The following ZNF804B variants were observed in gnomAD, a reference collection of about 807,000 sequenced individuals.
The protein encoded by ZNF804B is zinc finger protein 804B.
ZNF804B carries 80 observed loss-of-function variants against 101.4 expected under a neutral mutation model. The observed-to-expected ratio is 0.79, with a 90% CI of 0.66 to 0.95. The LOEUF (loss-of-function observed/expected upper bound fraction) is 0.95, where lower values mean the gene tolerates loss of function less well. Ranked by LOEUF, ZNF804B falls within the 40% of genes least tolerant of loss-of-function variation. The pLI, the probability that ZNF804B is intolerant of heterozygous loss-of-function variation, is 0.00. For synonymous variants in ZNF804B, 622 were observed against 558.8 expected (o/e 1.11, Z -1.59); for missense variants, 1,673 against 1,561.9 (o/e 1.07, Z -1.20).
intron 1 of ZNF804B, among the ~76,000 whole-genome samples, chr7:89,201,515 T>C (rs1288155533): frequency 6.6e-6 from 1 of 151,932 alleles, no homozygotes; most frequent in Non-Finnish European, 1.5e-5. Context: ...AAGCCGAGAC[T>C]TCCAAGAAGC....
rs1789859062 is a variant in ZNF804B at position 89,089,999 on chromosome 7, A to T, written c.109-128156A>T. On this transcript the variant is annotated intron_variant, in intron 1 of 3. Coordinates refer to ENST00000333190, the MANE Select transcript of ZNF804B (RefSeq NM_181646.5). Reference sequence around the variant, plus strand: ...TTCTCAAATTTTAAAAGTAGTTGTTACATTTACGGACAGTAAAATAAATAG... The same window carrying T: ...TTCTCAAATTTTAAAAGTAGTTGTTTCATTTACGGACAGTAAAATAAATAG... 2.0e-5 allele frequency among the ~76,000 whole-genome samples: 3 copies of T among 152,134 alleles called. No homozygotes were observed. The South Asian group carries it at 6.2e-4, about 31-fold the overall frequency.
intron 1 of ZNF804B, among the ~76,000 whole-genome samples, chr7:88,943,342 A>C (rs953520504): frequency 6.6e-6 from 1 of 151,918 alleles, no homozygotes; most frequent in African/African-American, 2.4e-5. Flanking sequence ...GATTACCAGC[A>C]TAGGTATTGG....
chr7:88,838,852 A>T (rs1158616670), intron 1 of ZNF804B, among the ~76,000 whole-genome samples: 2 of 152,032 alleles, frequency 1.3e-5, no homozygotes, highest in African/African-American at 4.8e-5. Context: ...GGCTTCCAAT[A>T]AATACTAACT....
At chr7:89,041,044 G>A (rs1789009082) in intron 1 of ZNF804B, among the ~76,000 whole-genome samples, 1 of 151,062 alleles carries the variant, frequency 6.6e-6, no homozygotes, top group South Asian at 2.1e-4. Flanking sequence ...ATCTCCTGGG[G>A]TAGGCCTGAA....
At chr7:89,121,557 C>T (rs1295747879) in intron 1 of ZNF804B, among the ~76,000 whole-genome samples, 1 of 151,948 alleles carries the variant, frequency 6.6e-6, no homozygotes. Context: ...AAGAAAGTAA[C>T]ATGTTAATAC....
intron 1 of ZNF804B, among the ~76,000 whole-genome samples, chr7:88,899,182 A>C (rs1375508760): frequency 2.6e-5 from 4 of 152,188 alleles, no homozygotes. Context: ...ATTCAGAGAA[A>C]TTCCGCATTC....
intron 2 of ZNF804B, among the ~76,000 whole-genome samples, chr7:89,269,813 G>A (rs763773432): frequency 3.9e-5 from 6 of 152,172 alleles, no homozygotes; most frequent in East Asian, 1.9e-4. Context: ...TCTGATGGCC[G>A]GTGATGATGA....
chr7:89,137,027 A>T (rs1028509895), intron 1 of ZNF804B, among the ~76,000 whole-genome samples: 8 of 151,918 alleles, frequency 5.3e-5, no homozygotes, highest in African/African-American at 1.5e-4. Context: ...CATGATTGTG[A>T]GGCTTTCCCA....
At chr7:89,008,012 A>C (rs1259279279) in intron 1 of ZNF804B, among the ~76,000 whole-genome samples, 1 of 152,158 alleles carries the variant, frequency 6.6e-6, no homozygotes, top group Non-Finnish European at 1.5e-5. Flanking sequence ...TCTCATGACA[A>C]TCAGTCTTGT....
intron 1 of ZNF804B, among the ~76,000 whole-genome samples, chr7:89,138,205 G>A (rs188389291): frequency 2.3e-3 from 354 of 152,180 alleles, no homozygotes; most frequent in Non-Finnish European, 4.1e-3. Context: ...TGGGATCAGA[G>A]CCCCCGCACA....
intron 1 of ZNF804B, among the ~76,000 whole-genome samples, chr7:89,001,671 A>T (rs900206298): frequency 6.6e-6 from 1 of 151,968 alleles, no homozygotes; most frequent in Admixed American, 6.6e-5. Context: ...TCAAAGCAAG[A>T]CTCACCATTA....
chr7:88,850,815 CA>C (rs1454381440), intron 1 of ZNF804B, among the ~76,000 whole-genome samples: 2 of 152,034 alleles, frequency 1.3e-5, no homozygotes, highest in Non-Finnish European at 2.9e-5. Context: ...CAACAAAAAT[CA>C]TTCAAAACTA....
At chr7:89,235,249 G>A (rs1046443017) in intron 2 of ZNF804B, among the ~76,000 whole-genome samples, 1 of 151,978 alleles carries the variant, frequency 6.6e-6, no homozygotes, top group Non-Finnish European at 1.5e-5. Flanking sequence ...GAGAAATATA[G>A]AAATATCTGA....
chr7:88,939,296 T>C (rs1322716843), intron 1 of ZNF804B, among the ~76,000 whole-genome samples: 9 of 151,968 alleles, frequency 5.9e-5, no homozygotes, highest in Admixed American at 5.9e-4. Flanking sequence ...CAAATATAAA[T>C]ATTATATAAA....
chr7:88,925,089 C>T (rs1792776599), intron 1 of ZNF804B, among the ~76,000 whole-genome samples: 2 of 152,116 alleles, frequency 1.3e-5, no homozygotes. Flanking sequence ...ACTCAGTATT[C>T]TCAAATACCT....
At position 89,301,099 on chromosome 7, in the gene ZNF804B, GTTTTTT is replaced by G. The variant is rs5885673; in HGVS notation, c.250-26227_250-26222del. Reference sequence around the variant, plus strand: ...TCAGAGATTGGAATTTTTCAAGCGTGTTTTTTTTTTTTTTTTTTTTTTTGGTGGTGG... The same window carrying G: ...TCAGAGATTGGAATTTTTCAAGCGTGTTTTTTTTTTTTTTTTTGGTGGTGG... On this transcript the variant is annotated intron_variant, in intron 2 of 3. Coordinates refer to ENST00000333190, the MANE Select transcript of ZNF804B (RefSeq NM_181646.5). Among the ~76,000 whole-genome samples, 3 of 77,684 alleles carry G rather than the reference GTTTTTT, an allele frequency of 3.9e-5. No homozygotes were observed. In the South Asian group the frequency reaches 1.8e-3, roughly 46 times the overall value. The allele number at this position is 77,684 out of a possible 152,430, so 51.0% of individuals were successfully genotyped here.
intron 2 of ZNF804B, among the ~76,000 whole-genome samples, chr7:89,258,651 A>G (rs1282687667): frequency 6.6e-6 from 1 of 152,120 alleles, no homozygotes; most frequent in Non-Finnish European, 1.5e-5. Flanking sequence ...TAACTCCTCA[A>G]AAACTTAGCC....
intron 1 of ZNF804B, among the ~76,000 whole-genome samples, chr7:88,862,888 A>C (rs994924991): frequency 5.9e-5 from 9 of 152,122 alleles, no homozygotes; most frequent in African/African-American, 1.4e-4. Flanking sequence ...ACGCTGAGAA[A>C]CCATTTCACA....
chr7:89,224,348 T>A (rs1789048861), intron 2 of ZNF804B, among the ~76,000 whole-genome samples: 1 of 152,056 alleles, frequency 6.6e-6, no homozygotes, highest in Admixed American at 6.6e-5. Flanking sequence ...TTTAAAATAC[T>A]GTTTTGGATT....
Sources: gnomAD v4.1 joint callset for allele counts (sites outside exome capture counted in the v4.1 genomes callset) on GRCh38, gnomAD v4.1.1 for gene constraint, MANE v1.5 for transcripts, NCBI Gene and HGNC (gene_info 2026-07-23, HGNC 2026-07-21) for gene names.